RGL1: variants seen among roughly 807,000 people sequenced by gnomAD.
The protein encoded by RGL1 is ral guanine nucleotide dissociation stimulator like 1.
In RGL1, 24 loss-of-function variants were observed where a neutral mutation model predicts 95.2. The observed-to-expected ratio is 0.25, with a 90% CI of 0.18 to 0.35. The LOEUF (loss-of-function observed/expected upper bound fraction) is 0.35, where lower values mean the gene tolerates loss of function less well. RGL1 is among the 10% of genes least tolerant of loss of function. RGL1 has a pLI of 1.00. For synonymous variants in RGL1, 329 were observed against 344.9 expected, an observed-to-expected ratio of 0.95 and a Z score of 0.51; for missense variants, 715 against 936.3, an observed-to-expected ratio of 0.76 and a Z score of 3.08.
At chr1:183,925,313 A>G (rs1669554430) in intron 17 of RGL1, among the ~76,000 whole-genome samples, 1 of 152,166 alleles carries the variant, frequency 6.6e-6, no homozygotes, top group South Asian at 2.1e-4. Flanking sequence ...GAAGGGGAGC[A>G]TCACACACTG....
At chr1:183,824,190 T>C (rs1662691729) in intron 2 of RGL1, among the ~76,000 whole-genome samples, 1 of 152,212 alleles carries the variant, frequency 6.6e-6, no homozygotes, top group South Asian at 2.1e-4. Flanking sequence ...TACCCATCCG[T>C]TGTTTTCAGT....
chr1:183,849,605 C>G (rs943164790), intron 3 of RGL1, among the ~76,000 whole-genome samples: 6 of 150,014 alleles, frequency 4.0e-5, no homozygotes, highest in Non-Finnish European at 7.4e-5. Context: ...ATTCTCCTGC[C>G]TCAGCCTCCT....
chr1:183,666,716 C>T (rs1558143239), intron 1 of RGL1, among the ~76,000 whole-genome samples: 6 of 152,196 alleles, frequency 3.9e-5, no homozygotes. Flanking sequence ...GGTCTGAAAG[C>T]AGACACTGTA....
intron 2 of RGL1, among the ~76,000 whole-genome samples, chr1:183,766,893 A>G (rs1658995916): frequency 6.6e-6 from 1 of 152,184 alleles, no homozygotes; most frequent in Non-Finnish European, 1.5e-5. Flanking sequence ...GGCTATCCAT[A>G]GAACCAAATG....
At chr1:183,668,776 A>C (rs371724301) in intron 1 of RGL1, among the ~76,000 whole-genome samples, 1 of 151,906 alleles carries the variant, frequency 6.6e-6, no homozygotes, top group South Asian at 2.1e-4. Context: ...TTCACTCATT[A>C]TTGCTTCAAA....
intron 1 of RGL1, among the ~76,000 whole-genome samples, chr1:183,714,532 A>G (rs1030085023): frequency 1.3e-5 from 2 of 152,180 alleles, no homozygotes. Context: ...GAATTTTAGA[A>G]TCAATGATAA....
intron 14 of RGL1, among the ~76,000 whole-genome samples, chr1:183,908,529 G>A (rs879036403): frequency 1.3e-5 from 2 of 152,190 alleles, no homozygotes; most frequent in Admixed American, 6.5e-5. Context: ...AGCTTTTGGA[G>A]TCAGCTCTTG....
At chr1:183,660,169 C>G (rs1167976809) in intron 1 of RGL1, among the ~76,000 whole-genome samples, 2 of 152,140 alleles carry the variant, frequency 1.3e-5, no homozygotes, top group Admixed American at 1.3e-4. Flanking sequence ...AAATAACCAG[C>G]TAACATCATA....
intron 4 of RGL1, among the ~76,000 whole-genome samples, chr1:183,872,015 C>T (rs1332673180): frequency 6.6e-6 from 1 of 152,182 alleles, no homozygotes; most frequent in Non-Finnish European, 1.5e-5. Flanking sequence ...TTCTAGGATT[C>T]CTAAATTGGC....
intron 1 of RGL1, among the ~76,000 whole-genome samples, chr1:183,716,384 A>G (rs1239606422): frequency 1.3e-5 from 2 of 152,236 alleles, no homozygotes; most frequent in Non-Finnish European, 2.9e-5. Context: ...CTTGTTACAA[A>G]GTACTGATCA....
intron 1 of RGL1, among the ~76,000 whole-genome samples, chr1:183,805,950 TTTTTCTTTTTC>T (rs1661267728): frequency 1.4e-5 from 2 of 147,398 alleles, no homozygotes; most frequent in Non-Finnish European, 3.0e-5. Context: ...TCTTTTTTTC[TTTTTCTTTTTC>T]TTTTCTTTTC....
chr1:183,718,566 T>G (rs1375000274), intron 1 of RGL1, among the ~76,000 whole-genome samples: 1 of 152,154 alleles, frequency 6.6e-6, no homozygotes, highest in Non-Finnish European at 1.5e-5. Context: ...GAGTTTAGGC[T>G]GCTTAAGTTG....
At chr1:183,814,717 C>G (rs1342549150) in intron 2 of RGL1, among the ~76,000 whole-genome samples, 3 of 152,086 alleles carry the variant, frequency 2.0e-5, no homozygotes, top group African/African-American at 7.2e-5. Flanking sequence ...AAAAGCAAAC[C>G]TTTTCTGCTA....
intron 9 of RGL1, 93 bp from the exon 10 acceptor site, chr1:183,897,715 G>T (rs12031722): frequency 0.23 from 198,659 of 865,374 alleles, 24,298 homozygotes; most frequent in Non-Finnish European, 0.25. Context: ...CGAGAGTTAT[G>T]CAGGGTTGTG....
intron 2 of RGL1, among the ~76,000 whole-genome samples, chr1:183,835,230 T>TAG (rs750973256): frequency 0.09 from 13,704 of 152,058 alleles, 651 homozygotes; most frequent in South Asian, 0.11. Flanking sequence ...CTTTCTTCTT[T>TAG]AAATGTTTTT....
At chr1:183,789,881 C>A (rs546802043) in intron 2 of RGL1, among the ~76,000 whole-genome samples, 1 of 146,152 alleles carries the variant, frequency 6.8e-6, no homozygotes, top group Non-Finnish European at 1.5e-5. Context: ...ATAGCAAAAA[C>A]CGCAATTACA....
intron 1 of RGL1, among the ~76,000 whole-genome samples, chr1:183,699,626 A>G (rs1654464111): frequency 6.6e-6 from 1 of 152,146 alleles, no homozygotes; most frequent in Admixed American, 6.5e-5. Context: ...CCACTAGATC[A>G]CTAAATCAAT....
chr1:183,852,323 T>C (rs7546358), intron 3 of RGL1, among the ~76,000 whole-genome samples: 1 of 152,188 alleles, frequency 6.6e-6, no homozygotes, highest in Admixed American at 6.5e-5. Context: ...CACGTATAGC[T>C]AATTCCATGT....
chr1:183,918,319 G>GT (rs1474484121), intron 16 of RGL1, among the ~76,000 whole-genome samples: 1 of 152,114 alleles, frequency 6.6e-6, no homozygotes, highest in Non-Finnish European at 1.5e-5. Context: ...AATGCAAGTG[G>GT]TAATGAGGGA....
Sources: gnomAD v4.1 joint callset for allele counts (sites outside exome capture counted in the v4.1 genomes callset) on GRCh38, gnomAD v4.1.1 for gene constraint, MANE v1.5 for transcripts, NCBI Gene and HGNC (gene_info 2026-07-23, HGNC 2026-07-21) for gene names.